RYK: variants seen among roughly 807,000 people sequenced by gnomAD.
The protein encoded by RYK is inactive tyrosine-protein kinase RYK.
In RYK, 21 loss-of-function variants were observed where a neutral mutation model predicts 70.2. The observed-to-expected ratio is 0.30, with a 90% CI of 0.21 to 0.43. The LOEUF is 0.43. Ranked by LOEUF, RYK falls within the 20% of genes least tolerant of loss-of-function variation. RYK has a pLI of 1.00. For missense variants in RYK, 604 were observed against 753.3 expected, an observed-to-expected ratio of 0.80 and a Z score of 2.32; for synonymous variants, 267 against 278.0, an observed-to-expected ratio of 0.96 and a Z score of 0.39.
Position 134,209,732 on chromosome 3 carries a change from G to A in RYK, c.552C>T (p.Thr184=), listed in dbSNP as rs1000514707. Reference sequence around the variant, plus strand: ...TTTTCCTTCGTTTAAAATTTAAGACGGTAAAATTTTTTGAAGAATTTACTG... The same window carrying A: ...TTTTCCTTCGTTTAAAATTTAAGACAGTAAAATTTTTTGAAGAATTTACTG... ...NLTVNSSKNF[T]VLNFKRRKMC... The change falls in exon 4 of 15, where the codon ACC becomes ACT. Residue 184 remains threonine (T), a synonymous_variant. Transcript: ENST00000623711. 13 of 1,486,970 alleles carry A rather than the reference G, an allele frequency of 8.7e-6. No individual in the cohort carries two copies. The highest frequency in any genetic ancestry group is 7.4e-5 in the Admixed American group (3 of 40,436). The allele number at this position is 1,486,970 out of a possible 1,614,324, so 92.1% of individuals were successfully genotyped here.
intron 5 of RYK, among the ~76,000 whole-genome samples, chr3:134,203,752 G>T (rs2014104513): frequency 6.6e-6 from 1 of 152,206 alleles, no homozygotes; most frequent in Non-Finnish European, 1.5e-5. Context: ...CAGCAGTGCT[G>T]TCCAACAGAA....
At chr3:134,181,417 C>T (rs1300193665) in intron 10 of RYK, 6 of 152,134 alleles carry the variant, frequency 3.9e-5, no homozygotes, top group African/African-American at 1.2e-4. Context: ...TTACTGCTGG[C>T]TCATTTGTTT....
intron 1 of RYK, among the ~76,000 whole-genome samples, chr3:134,232,726 C>T (rs926946778): frequency 3.9e-5 from 6 of 152,174 alleles, no homozygotes; most frequent in Non-Finnish European, 7.4e-5. Flanking sequence ...CAAATTTTCA[C>T]GCATCAAATT....
chr3:134,199,611 CCAGTGGCCCCTATG>C (rs1339425068), intron 6 of RYK, among the ~76,000 whole-genome samples: 1 of 152,104 alleles, frequency 6.6e-6, no homozygotes, highest in Non-Finnish European at 1.5e-5. Context: ...AATGGTAATC[CCAGTGGCCCCTATG>C]CAGAGAGAGA....
intron 1 of RYK, among the ~76,000 whole-genome samples, chr3:134,238,957 T>C (rs1445547152): frequency 1.3e-5 from 2 of 152,150 alleles, no homozygotes; most frequent in East Asian, 1.9e-4. Flanking sequence ...CATCCTCCAA[T>C]TGTAGCGTGG....
intron 6 of RYK, among the ~76,000 whole-genome samples, chr3:134,196,244 T>C (rs943038768): frequency 6.6e-6 from 1 of 152,170 alleles, no homozygotes; most frequent in South Asian, 2.1e-4. Context: ...TTAGTTCTTA[T>C]AATTTTGCAG....
At chr3:134,233,401 G>A (rs944862318) in intron 1 of RYK, among the ~76,000 whole-genome samples, 1 of 152,090 alleles carries the variant, frequency 6.6e-6, no homozygotes, top group Non-Finnish European at 1.5e-5. Context: ...GTTATGACAC[G>A]TAATTTGTGA....
chr3:134,206,748 AC>A (rs1338351699), intron 5 of RYK, among the ~76,000 whole-genome samples: 1 of 152,160 alleles, frequency 6.6e-6, no homozygotes, highest in Non-Finnish European at 1.5e-5. Context: ...CCCCTAACCA[AC>A]CACAAAAGGA....
At chr3:134,244,175 T>G (rs1200953508) in intron 1 of RYK, among the ~76,000 whole-genome samples, 1 of 152,144 alleles carries the variant, frequency 6.6e-6, no homozygotes, top group Non-Finnish European at 1.5e-5. Flanking sequence ...CCACCACCAC[T>G]GTTGGCATAA....
At position 134,229,252 on chromosome 3, in the gene RYK, CTTT is replaced by C. The variant is rs1320194078; in HGVS notation, c.233-6716_233-6714del. Among the ~76,000 whole-genome samples, 9 of 152,040 alleles carry C rather than the reference CTTT, an allele frequency of 5.9e-5. No homozygotes were observed. In the East Asian group the frequency reaches 1.7e-3, roughly 29 times the overall value. The stretch of plus-strand genomic sequence containing the variant: ...GCTCTCTGGCTCCCTCGCCCTCTCT[CTTT>C]TTCTTCTTCCCCCTCCGCCTCGCAC... On this transcript the variant is annotated intron_variant, in intron 1 of 14. Coordinates refer to ENST00000623711, the MANE Select transcript of RYK (RefSeq NM_002958.4).
At chr3:134,190,154 A>G (rs144101273) in intron 8 of RYK, among the ~76,000 whole-genome samples, 1 of 152,202 alleles carries the variant, frequency 6.6e-6, no homozygotes, top group Non-Finnish European at 1.5e-5. Context: ...TCTTCATTTA[A>G]GACATTTTGC....
intron 6 of RYK, among the ~76,000 whole-genome samples, chr3:134,199,307 G>A (rs2013912733): frequency 1.3e-5 from 2 of 152,224 alleles, no homozygotes; most frequent in Non-Finnish European, 2.9e-5. Flanking sequence ...TGAATTCCAC[G>A]GAGCCATGGG....
intron 1 of RYK, among the ~76,000 whole-genome samples, chr3:134,231,193 CAAAAAAA>C (rs76361855): frequency 9.3e-6 from 1 of 107,438 alleles, no homozygotes; most frequent in African/African-American, 3.6e-5. Context: ...CAGACAAGAC[CAAAAAAA>C]AAAAAAAAAG....
intron 1 of RYK, among the ~76,000 whole-genome samples, chr3:134,225,975 T>C (rs568064512): frequency 4.6e-5 from 7 of 152,128 alleles, no homozygotes; most frequent in Non-Finnish European, 1.0e-4. Flanking sequence ...AATCATGAAT[T>C]AGACCACATG....
intron 10 of RYK, chr3:134,178,321 T>C (rs2013178237): frequency 2.8e-6 from 1 of 351,456 alleles, no homozygotes; most frequent in South Asian, 4.3e-5. Flanking sequence ...AGTTGCTTCC[T>C]GTGGGCTGGA....
At chr3:134,177,269 A>T (rs2013138010) in intron 11 of RYK, among the ~76,000 whole-genome samples, 1 of 152,178 alleles carries the variant, frequency 6.6e-6, no homozygotes, top group Admixed American at 6.5e-5. Context: ...TATGATACAT[A>T]TTAGGCCAAA....
intron 1 of RYK, among the ~76,000 whole-genome samples, chr3:134,238,207 T>C (rs932768030): frequency 5.9e-5 from 9 of 152,208 alleles, no homozygotes; most frequent in African/African-American, 2.2e-4. Flanking sequence ...TTCCCCATAG[T>C]TGAATAAGCA....
At chr3:134,228,600 C>T (rs1448895816) in intron 1 of RYK, among the ~76,000 whole-genome samples, 1 of 151,546 alleles carries the variant, frequency 6.6e-6, no homozygotes, top group Non-Finnish European at 1.5e-5. Flanking sequence ...CACAGAAAGA[C>T]AAATACCGCA....
At chr3:134,184,086 T>C (rs2013386608) in intron 9 of RYK, among the ~76,000 whole-genome samples, 1 of 152,220 alleles carries the variant, frequency 6.6e-6, no homozygotes, top group South Asian at 2.1e-4. Flanking sequence ...TTGGAGATTA[T>C]GGCCTATTCT....
Sources: allele counts gnomAD v4.1 joint callset (sites outside exome capture counted in the v4.1 genomes callset), GRCh38; gene constraint gnomAD v4.1.1; transcripts MANE v1.5; gene names NCBI Gene and HGNC (gene_info 2026-07-23, HGNC 2026-07-21).